The following KDM4C variants were observed in gnomAD, a reference collection of about 807,000 sequenced individuals.
KDM4C encodes the protein lysine demethylase 4C.
Under a neutral mutation model 129.3 loss-of-function variants are expected in KDM4C, and 81 were observed. The ratio of observed to expected loss-of-function variants is 0.63; its 90% CI spans 0.52 to 0.75. KDM4C has a LOEUF of 0.75. KDM4C is among the 30% of genes least tolerant of loss of function. The probability of loss-of-function intolerance (pLI) is 0.00; values close to 1 mark genes in which losing one functional copy is unlikely to be tolerated. For missense variants in KDM4C, 1,457 were observed against 1,304.0 expected (o/e 1.12, Z -1.81); for synonymous variants, 573 against 456.1 (o/e 1.26, Z -3.26).
intron 1 of KDM4C, among the ~76,000 whole-genome samples, chr9:6,783,320 C>T (rs2130785218): frequency 6.6e-6 from 1 of 152,242 alleles, no homozygotes; most frequent in Non-Finnish European, 1.5e-5. Context: ...TGAATAAGGA[C>T]CAAGACTGGG....
At position 6,773,566 on chromosome 9, in the gene KDM4C, T is replaced by G. The variant is rs181368992; in HGVS notation, c.-18+15363T>G. The stretch of plus-strand genomic sequence containing the variant: ...ACGGGCAGATCACTTAGGCCAGGAG[T>G]TCGAGACCAGCCTGATCAACATGGT... On this transcript the variant is annotated intron_variant, in intron 1 of 21. Transcript: ENST00000381309. Among the ~76,000 whole-genome samples the G allele has an allele frequency of 3.1e-4, 47 of 151,990 alleles. No individual in the cohort carries two copies. The East Asian group carries it at 8.7e-3, about 28-fold the overall frequency.
chr9:6,841,704 C>G (rs1322270956), intron 4 of KDM4C, among the ~76,000 whole-genome samples: 1 of 152,144 alleles, frequency 6.6e-6, no homozygotes, highest in Non-Finnish European at 1.5e-5. Flanking sequence ...GTAGCAGTTT[C>G]TCAGGTTTGT....
chr9:7,050,328 C>A lies in KDM4C; in HGVS notation c.2424+1128C>A, dbSNP rs373447193. Among the ~76,000 whole-genome samples, 4 of 149,568 alleles carry A rather than the reference C, an allele frequency of 2.7e-5. No individual in the cohort carries two copies. The South Asian group carries it at 6.3e-4, about 24-fold the overall frequency. On this transcript the variant is annotated intron_variant, in intron 17 of 21. Coordinates refer to ENST00000381309, the MANE Select transcript of KDM4C (RefSeq NM_015061.6). ...TAATCTAAGATGGAAATGAGTGGGC[C>A]ATTTAAATGGCCCTCTAAAGGTCAC...
At chr9:6,924,725 G>C in intron 8 of KDM4C, 1 of 978,640 alleles carries the variant, frequency 1.0e-6, no homozygotes, top group Non-Finnish European at 1.2e-6. Context: ...AACTCCTGTG[G>C]ATTTTGTCTG....
chr9:7,008,887 G>A (rs1483104644), intron 12 of KDM4C, among the ~76,000 whole-genome samples: 3 of 152,168 alleles, frequency 2.0e-5, no homozygotes, highest in African/African-American at 7.2e-5. Flanking sequence ...ACTGACTGGT[G>A]AAGGGTTGTC....
chr9:6,777,974 G>T (rs561121124), intron 1 of KDM4C, among the ~76,000 whole-genome samples: 2 of 150,002 alleles, frequency 1.3e-5, no homozygotes, highest in African/African-American at 4.9e-5. Context: ...AGCCTGGAGT[G>T]CAGTGGCAAA....
At chr9:7,047,285 C>T (rs1049813959) in intron 16 of KDM4C, among the ~76,000 whole-genome samples, 4 of 151,924 alleles carry the variant, frequency 2.6e-5, no homozygotes, top group Non-Finnish European at 4.4e-5. Context: ...AAAGTGAAAC[C>T]GTGATCTTCA....
At chr9:7,046,584 T>TCC (rs1829431673) in intron 15 of KDM4C, among the ~76,000 whole-genome samples, 1 of 152,018 alleles carries the variant, frequency 6.6e-6, no homozygotes, top group African/African-American at 2.4e-5. Flanking sequence ...TGTCACAGCT[T>TCC]TCCTTTGATG....
intron 4 of KDM4C, among the ~76,000 whole-genome samples, chr9:6,835,906 A>G (rs116136205): frequency 0.018 from 2,801 of 152,292 alleles, 74 homozygotes; most frequent in African/African-American, 0.063. Flanking sequence ...CTTGTGTCTA[A>G]GGAGAATGGC....
chr9:7,162,998 G>A (rs573581979), intron 19 of KDM4C, among the ~76,000 whole-genome samples: 2 of 152,256 alleles, frequency 1.3e-5, no homozygotes, highest in East Asian at 3.9e-4. Context: ...TTGGCAAACA[G>A]GTTTCAAATA....
chr9:6,765,439 A>C (rs978916686), intron 1 of KDM4C, among the ~76,000 whole-genome samples: 1 of 152,114 alleles, frequency 6.6e-6, no homozygotes, highest in African/African-American at 2.4e-5. Context: ...GAGCTGTCTT[A>C]ATTCCCTGTA....
At chr9:6,757,861 T>C, upstream of KDM4C, 1 of 985,564 alleles carries the variant, frequency 1.0e-6, no homozygotes, top group Non-Finnish European at 1.2e-6. Context: ...GCGCGGAAGT[T>C]GAGCCCAAAG....
At chr9:6,906,994 C>T (rs908330148) in intron 8 of KDM4C, among the ~76,000 whole-genome samples, 6 of 152,140 alleles carry the variant, frequency 3.9e-5, no homozygotes, top group African/African-American at 4.8e-5. Context: ...AAACTATTCT[C>T]GTAACCAGTT....
intron 15 of KDM4C, among the ~76,000 whole-genome samples, chr9:7,020,231 A>G (rs1186731204): frequency 5.9e-5 from 9 of 152,252 alleles, no homozygotes; most frequent in Admixed American, 5.9e-4. Context: ...TTCTAGAATT[A>G]TGGCCCTATG....
At chr9:6,860,546 A>G (rs747708490) in intron 5 of KDM4C, among the ~76,000 whole-genome samples, 5 of 152,190 alleles carry the variant, frequency 3.3e-5, no homozygotes, top group African/African-American at 4.8e-5. Flanking sequence ...AATTATCCCT[A>G]CAACCAACCC....
At chr9:6,748,713 A>T in intron 1 of KDM4C, 1 of 1,474,678 alleles carries the variant, frequency 6.8e-7, no homozygotes, top group Non-Finnish European at 9.5e-7. Context: ...CTAGTTGGAG[A>T]CACTTTGTAG....
At chr9:7,005,076 G>A (rs577350375) in intron 12 of KDM4C, among the ~76,000 whole-genome samples, 1 of 152,272 alleles carries the variant, frequency 6.6e-6, no homozygotes, top group South Asian at 2.1e-4. Context: ...GAAGGTAGTT[G>A]ACATTGTGGG....
chr9:6,869,350 C>T (rs555409707), intron 5 of KDM4C, among the ~76,000 whole-genome samples: 107 of 152,324 alleles, frequency 7.0e-4, no homozygotes, highest in African/African-American at 2.4e-3. Flanking sequence ...ATTTCAGGCA[C>T]CTCATTCTCC....
chr9:7,103,848 G>C lies in KDM4C; in HGVS notation c.2588G>C (p.Arg863Pro). The C allele has an allele frequency of 6.2e-7, 1 of 1,613,878 alleles. No homozygotes were observed. The highest frequency in any genetic ancestry group is 8.5e-7 in the Non-Finnish European group (1 of 1,179,902). ...WPYVVNITCF[R>P]HKVNPNVKSK... ...TATGTGGTGAACATTACATGCTTTC[G>C]ACATAAGGTCAACCCCAACGTGGTA... Residue 863 changes from arginine to proline, a missense_variant, in exon 18 of 22, where the codon CGA becomes CCA. Arg to Pro is a moderately radical substitution (Grantham distance 103). Coordinates refer to ENST00000381309, the MANE Select transcript of KDM4C (RefSeq NM_015061.6).
Sources: allele counts gnomAD v4.1 joint callset (sites outside exome capture counted in the v4.1 genomes callset), GRCh38; gene constraint gnomAD v4.1.1; transcripts MANE v1.5; gene names NCBI Gene and HGNC (gene_info 2026-07-23, HGNC 2026-07-21).